The following CSMD1 variants were observed in gnomAD, a reference collection of about 807,000 sequenced individuals.
The protein encoded by CSMD1 is CUB and Sushi multiple domains 1.
In CSMD1, 213 loss-of-function variants were observed where a neutral mutation model predicts 417.5. The ratio of observed to expected loss-of-function variants is 0.51; its 90% CI spans 0.46 to 0.57. The LOEUF (loss-of-function observed/expected upper bound fraction) is 0.57, where lower values mean the gene tolerates loss of function less well. Ranked by LOEUF, CSMD1 falls within the 20% of genes least tolerant of loss-of-function variation. The probability of loss-of-function intolerance (pLI) is 0.00; values close to 1 mark genes in which losing one functional copy is unlikely to be tolerated. For synonymous variants in CSMD1, 2,862 were observed against 1,736.8 expected, an observed-to-expected ratio of 1.65 and a Z score of -16.11; for missense variants, 6,923 against 4,529.7, an observed-to-expected ratio of 1.53 and a Z score of -15.17.
At chr8:3,252,275 C>T (rs987635993) in intron 26 of CSMD1, among the ~76,000 whole-genome samples, 1 of 152,108 alleles carries the variant, frequency 6.6e-6, no homozygotes, top group South Asian at 2.1e-4. Context: ...GAATGAAGGG[C>T]TGTTGAATTT....
chr8:4,057,259 T>C (rs1798743813), intron 3 of CSMD1, among the ~76,000 whole-genome samples: 2 of 152,222 alleles, frequency 1.3e-5, no homozygotes, highest in South Asian at 2.1e-4. Context: ...ATTGTGGTTT[T>C]GATTTGCATT....
chr8:4,502,188 A>G (rs1802291807), intron 2 of CSMD1, among the ~76,000 whole-genome samples: 1 of 152,230 alleles, frequency 6.6e-6, no homozygotes, highest in Non-Finnish European at 1.5e-5. Flanking sequence ...CATTCTTATG[A>G]ACAGAAACAT....
intron 3 of CSMD1, among the ~76,000 whole-genome samples, chr8:4,158,443 C>T (rs1796959603): frequency 6.6e-6 from 1 of 151,868 alleles, no homozygotes; most frequent in African/African-American, 2.4e-5. Flanking sequence ...AAAAAAAAAT[C>T]AAAGAAACAG....
chr8:4,338,942 A>G (rs537010440), intron 3 of CSMD1, among the ~76,000 whole-genome samples: 1 of 152,268 alleles, frequency 6.6e-6, no homozygotes, highest in Non-Finnish European at 1.5e-5. Context: ...GGGTAAGCGT[A>G]TCTGAACATA....
intron 5 of CSMD1, among the ~76,000 whole-genome samples, chr8:3,827,844 G>A (rs1323633743): frequency 6.6e-6 from 1 of 152,148 alleles, no homozygotes; most frequent in Admixed American, 6.6e-5. Flanking sequence ...ATAACTCACA[G>A]TGCATGTCAC....
intron 3 of CSMD1, among the ~76,000 whole-genome samples, chr8:4,326,192 T>C (rs1799554310): frequency 6.6e-6 from 1 of 152,274 alleles, no homozygotes; most frequent in Admixed American, 6.5e-5. Context: ...TCCCTGGGGA[T>C]GCCAATGCTG....
chr8:4,354,382 T>G (rs1801275929), intron 3 of CSMD1, among the ~76,000 whole-genome samples: 1 of 152,308 alleles, frequency 6.6e-6, no homozygotes, highest in Non-Finnish European at 1.5e-5. Flanking sequence ...GGTCATTTCG[T>G]AACTATTAAA....
At chr8:3,417,171 G>C (rs746338144) in intron 12 of CSMD1, among the ~76,000 whole-genome samples, 1 of 152,142 alleles carries the variant, frequency 6.6e-6, no homozygotes, top group African/African-American at 2.4e-5. Context: ...TTACCATGAA[G>C]AGTTGAGATT....
intron 12 of CSMD1, among the ~76,000 whole-genome samples, chr8:3,413,165 T>C (rs542923557): frequency 6.6e-6 from 1 of 152,332 alleles, no homozygotes; most frequent in African/African-American, 2.4e-5. Context: ...AATACAATTA[T>C]TACTATGATT....
At chr8:4,912,801 G>C (rs563177652) in intron 1 of CSMD1, among the ~76,000 whole-genome samples, 10 of 151,344 alleles carry the variant, frequency 6.6e-5, no homozygotes, top group African/African-American at 2.4e-4. Context: ...TTTTTGGAGG[G>C]GGGGCACAGA....
chr8:4,318,508 C>G (rs1053665111), intron 3 of CSMD1, among the ~76,000 whole-genome samples: 1 of 151,920 alleles, frequency 6.6e-6, no homozygotes, highest in Admixed American at 6.6e-5. Context: ...ACTCAACTGG[C>G]GAGAAAACTT....
chr8:3,524,417 ACAAC>A (rs1196350942), intron 10 of CSMD1, among the ~76,000 whole-genome samples: 1 of 151,898 alleles, frequency 6.6e-6, no homozygotes, highest in Admixed American at 6.6e-5. Context: ...ATATGCACAC[ACAAC>A]CAGACACATC....
intron 2 of CSMD1, among the ~76,000 whole-genome samples, chr8:4,574,168 T>C (rs551039546): frequency 1.6e-5 from 2 of 123,154 alleles, no homozygotes; most frequent in South Asian, 6.0e-4. Flanking sequence ...GACGCTGGGG[T>C]CCAAAAAAAA....
At chr8:3,602,130 G>A (rs1302798595) in intron 8 of CSMD1, among the ~76,000 whole-genome samples, 1 of 152,144 alleles carries the variant, frequency 6.6e-6, no homozygotes, top group African/African-American at 2.4e-5. Flanking sequence ...ACTTAAAATG[G>A]TCAGGATGCT....
At position 4,937,935 on chromosome 8, in the gene CSMD1, A is replaced by T. The variant is rs538158823; in HGVS notation, c.85+56397T>A. ...CAAATGTCAGCTACCTACTTATCTA[A>T]ATTTTGTTTTTATTAATTTTAATCT... On this transcript the variant is annotated intron_variant, in intron 1 of 69. Coordinates refer to ENST00000635120, the MANE Select transcript of CSMD1 (RefSeq NM_033225.6). Among the ~76,000 whole-genome samples the T allele has an allele frequency of 3.9e-5, 6 of 152,156 alleles. No individual in the cohort carries two copies. In the East Asian group the frequency reaches 1.2e-3, roughly 29 times the overall value.
chr8:3,610,758 A>C (rs1367958593), intron 8 of CSMD1, among the ~76,000 whole-genome samples: 1 of 151,984 alleles, frequency 6.6e-6, no homozygotes, highest in Non-Finnish European at 1.5e-5. Flanking sequence ...TTGCATACTT[A>C]ATGCATCTCT....
intron 3 of CSMD1, among the ~76,000 whole-genome samples, chr8:4,311,197 C>T (rs983554506): frequency 3.3e-5 from 5 of 152,102 alleles, no homozygotes; most frequent in Admixed American, 6.5e-5. Flanking sequence ...GACACATGCA[C>T]GTGAATGTTC....
At chr8:4,424,119 T>A (rs950028322) in intron 2 of CSMD1, among the ~76,000 whole-genome samples, 12 of 152,008 alleles carry the variant, frequency 7.9e-5, no homozygotes, top group African/African-American at 2.9e-4. Context: ...GAAAGGCTTT[T>A]GAGTCTAGGG....
At chr8:4,348,884 G>C (rs942062864) in intron 3 of CSMD1, among the ~76,000 whole-genome samples, 8 of 152,100 alleles carry the variant, frequency 5.3e-5, no homozygotes, top group Admixed American at 1.3e-4. Context: ...CTGTTGCTCT[G>C]ATTGAGTCAT....
Sources: allele counts gnomAD v4.1 joint callset (sites outside exome capture counted in the v4.1 genomes callset), GRCh38; gene constraint gnomAD v4.1.1; transcripts MANE v1.5; gene names NCBI Gene and HGNC (gene_info 2026-07-23, HGNC 2026-07-21).